CD24: variants seen among roughly 807,000 people sequenced by gnomAD.
CD24 encodes the protein signal transducer CD24.
CD24 carries 2 observed loss-of-function variants against 3.6 expected under a neutral mutation model. The ratio of observed to expected loss-of-function variants is 0.56; its 90% CI spans 0.23 to 1.77. The LOEUF (loss-of-function observed/expected upper bound fraction) is 1.77, where lower values mean the gene tolerates loss of function less well. Ranked by LOEUF, CD24 falls within the 40% of genes most tolerant of loss-of-function variation. CD24 has a pLI of 0.18. For missense variants in CD24, 62 were observed against 93.6 expected (o/e 0.66, Z 1.39); for synonymous variants, 33 against 44.9 (o/e 0.74, Z 1.06).
chr6:106,970,446 A>T lies in CD24; in HGVS notation c.*1215T>A, dbSNP rs1454548016. The T allele has an allele frequency of 6.6e-6, 1 of 152,630 alleles. No individual in the cohort carries two copies. Among genetic ancestry groups the T allele is most frequent in the Non-Finnish European group, 1.5e-5 (1 of 68,052 alleles). The allele number at this position is 152,630 out of a possible 1,614,324, so 9.5% of individuals were successfully genotyped here. A position where few individuals can be genotyped will look rare whatever the true frequency, so the allele number is the denominator to read the frequency against. ...ACATTTTTGCCTTCTTAATTTCAAGATTTGCAATTTTGCCTTCAAAACAGA... is the reference window on the plus strand; with the variant it reads ...ACATTTTTGCCTTCTTAATTTCAAGTTTTGCAATTTTGCCTTCAAAACAGA... On this transcript the variant is annotated 3_prime_UTR_variant, in exon 2 of 2. Transcript: ENST00000606017.
chr6:106,973,454 A>T (rs886508111), intron 1 of CD24: 1 of 388,860 alleles, frequency 2.6e-6, no homozygotes. Context: ...GGAAGACAAT[A>T]GGGTACGGTT....
chr6:106,975,590 CT>C (rs1360641783), upstream of CD24: 4 of 152,324 alleles, frequency 2.6e-5, no homozygotes, highest in Non-Finnish European at 5.9e-5. Context: ...TGGGGAGCCG[CT>C]CGCTGGGCGC....
At position 106,970,374 on chromosome 6, in the gene CD24, TC is replaced by T. The variant is rs1772940008; in HGVS notation, c.*1286del. ...TTTGTGAATTTAATGCAAATTAGCTTCCAGTCTTCACTTCCCAAATACTTGA... is the reference window on the plus strand; with the variant it reads ...TTTGTGAATTTAATGCAAATTAGCTTCAGTCTTCACTTCCCAAATACTTGA... On this transcript the variant is annotated 3_prime_UTR_variant, in exon 2 of 2. Transcript: ENST00000606017. 1.3e-5 allele frequency: 2 copies of T among 151,092 alleles called. No individual in the cohort carries two copies. The highest frequency in any genetic ancestry group is 4.9e-5 in the African/African-American group (2 of 40,822). The allele number at this position is 151,092 out of a possible 1,614,324, so 9.4% of individuals were successfully genotyped here.
At position 106,971,666 on chromosome 6, in the gene CD24, A is replaced by G; in HGVS notation, c.238T>C (p.Ser80Pro). 1 of 1,547,440 alleles carries G rather than the reference A, an allele frequency of 6.5e-7. No individual in the cohort carries two copies. The highest frequency in any genetic ancestry group is 2.4e-5 in the East Asian group (1 of 40,884). The change falls in exon 2 of 2, where the codon TCT (serine) becomes CCT (proline). Residue 80 changes from serine (S) to proline (P), a missense_variant. Physicochemically the swap from Ser to Pro is moderately conservative, Grantham distance 74. Coordinates refer to ENST00000606017, the MANE Select transcript of CD24 (RefSeq NM_001359084.1). The stretch of plus-strand genomic sequence containing the variant: ...CGTTTCTTGGCCTGAGTCTCTTAAG[A>G]GTAGAGATGCAGAAGAGAGAGTGAG... Reference protein sequence around the residue: ...VVSLSLLHLYS With the variant: ...VVSLSLLHLYP
At chr6:106,974,150 G>C (rs1773044335) in intron 1 of CD24, 1 of 386,882 alleles carries the variant, frequency 2.6e-6, no homozygotes, top group Non-Finnish European at 4.6e-6. Context: ...TGTAGAGCGC[G>C]GGGAGCGCGA....
intron 1 of CD24, chr6:106,973,951 G>T: frequency 2.5e-6 from 1 of 398,494 alleles, no homozygotes; most frequent in South Asian, 1.3e-4. Flanking sequence ...GACAAGCGAT[G>T]GACGTGAAAG....
chr6:106,971,475 A>T lies in CD24; in HGVS notation c.*186T>A. The T allele has an allele frequency of 1.7e-6, 1 of 575,088 alleles. No individual in the cohort carries two copies. Among genetic ancestry groups the T allele is most frequent in the South Asian group, 2.2e-5 (1 of 44,766 alleles). The allele number at this position is 575,088 out of a possible 1,614,324, so 35.6% of individuals were successfully genotyped here. On this transcript the variant is annotated 3_prime_UTR_variant, in exon 2 of 2. Transcript: ENST00000606017. ...ATATTGGCATCCATCATCTAGTCAAACCTCTCACATGTTCTTCAAATCAAT... is the reference window on the plus strand; with the variant it reads ...ATATTGGCATCCATCATCTAGTCAATCCTCTCACATGTTCTTCAAATCAAT...
upstream of CD24, among the ~76,000 whole-genome samples, chr6:106,976,163 A>G (rs947388841): frequency 1.3e-5 from 2 of 152,326 alleles, no homozygotes; most frequent in African/African-American, 4.8e-5. Flanking sequence ...ATGGTTGTAA[A>G]TTTGTTTAAA....
Position 106,974,688 on chromosome 6 carries a change from G to C in CD24, c.-42C>G. The C allele has an allele frequency of 6.7e-7, 1 of 1,484,834 alleles. No homozygotes were observed. The highest frequency in any genetic ancestry group is 1.5e-5 in the African/African-American group (1 of 68,668). The allele number at this position is 1,484,834 out of a possible 1,614,324, so 92.0% of individuals were successfully genotyped here. A position where few individuals can be genotyped will look rare whatever the true frequency, so the allele number is the denominator to read the frequency against. On this transcript the variant is annotated 5_prime_UTR_variant, in exon 1 of 2. Coordinates refer to ENST00000606017, the MANE Select transcript of CD24 (RefSeq NM_001359084.1). The stretch of plus-strand genomic sequence containing the variant: ...CGCGGCGCGTCTAGCAGGATGCTGG[G>C]TGCTTGGAGAACCGCTGGCTCCGGG...
At chr6:106,973,329 A>C in intron 1 of CD24, 3 of 247,990 alleles carry the variant, frequency 1.2e-5, no homozygotes, top group Non-Finnish European at 1.5e-5. Flanking sequence ...TGTTGGAGGA[A>C]AAAAATCTGG....
rs1383802248 is a variant in CD24, at chr6:106,970,705, G to A, written c.*956C>T. 2.6e-5 allele frequency: 4 copies of A among 152,146 alleles called. No homozygotes were observed. Among genetic ancestry groups the A allele is most frequent in the Admixed American group, 6.6e-5 (1 of 15,266 alleles). The allele number at this position is 152,146 out of a possible 1,614,324, so 9.4% of individuals were successfully genotyped here. A position where few individuals can be genotyped will look rare whatever the true frequency, so the allele number is the denominator to read the frequency against. ...CAGGTGCCTGTAATCCCAGCTACTT[G>A]GGAGGCTGAGGCAGGAGAATCGCTT... On this transcript the variant is annotated 3_prime_UTR_variant, in exon 2 of 2. Coordinates refer to ENST00000606017, the MANE Select transcript of CD24 (RefSeq NM_001359084.1).
upstream of CD24, chr6:106,975,490 CG>C (rs1392999559): frequency 6.6e-6 from 1 of 152,236 alleles, no homozygotes; most frequent in African/African-American, 2.4e-5. Context: ...GCGCCCTCCC[CG>C]AAGCCCTTGC....
intron 1 of CD24, chr6:106,973,942 A>G (rs1773037553): frequency 7.5e-6 from 3 of 398,378 alleles, no homozygotes. Context: ...TCCTAAGATG[A>G]CAAGCGATGG....
intron 1 of CD24, among the ~76,000 whole-genome samples, chr6:106,972,564 T>G (rs1051250860): frequency 6.6e-6 from 1 of 152,208 alleles, no homozygotes; most frequent in Non-Finnish European, 1.5e-5. Flanking sequence ...GCAGCCTCAC[T>G]GGTCGCCAAG....
In CD24 at chr6:106,970,995, A is replaced by T. The variant is rs1210863336; in HGVS notation, c.*666T>A. 6.6e-6 allele frequency: 1 copy of T among 152,268 alleles called. No homozygotes were observed. Among genetic ancestry groups the T allele is most frequent in the Non-Finnish European group, 1.5e-5 (1 of 68,096 alleles). 9.4% of individuals were successfully genotyped at this position (152,268 alleles called of 1,614,324 possible). A position where few individuals can be genotyped will look rare whatever the true frequency, so the allele number is the denominator to read the frequency against. Reference sequence around the variant, plus strand: ...TCAGGATGCTTGGATCTGGGGGTAGATTCTCATTCATCATTGCCCTGGCAC... The same window carrying T: ...TCAGGATGCTTGGATCTGGGGGTAGTTTCTCATTCATCATTGCCCTGGCAC... On this transcript the variant is annotated 3_prime_UTR_variant, in exon 2 of 2. Coordinates refer to ENST00000606017, the MANE Select transcript of CD24 (RefSeq NM_001359084.1).
At chr6:106,976,330 G>A (rs1006542143), upstream of CD24, among the ~76,000 whole-genome samples, 15 of 152,298 alleles carry the variant, frequency 9.8e-5, no homozygotes, top group African/African-American at 2.9e-4. Context: ...TCACTTTTGC[G>A]TGGCAGTCTC....
chr6:106,975,627 T>A (rs2114903426), upstream of CD24: 1 of 152,310 alleles, frequency 6.6e-6, no homozygotes, highest in African/African-American at 2.4e-5. Context: ...CGCTGCAAAC[T>A]ACAGGGTTTC....
In CD24 at chr6:106,971,743, G is replaced by A; in HGVS notation, c.161C>T (p.Thr54Ile). The A allele has an allele frequency of 6.4e-7, 1 of 1,551,018 alleles. No individual in the cohort carries two copies. The highest frequency in any genetic ancestry group is 8.7e-7 in the Non-Finnish European group (1 of 1,146,416). Reference sequence around the variant, plus strand: ...CAGGGCACCACCAGCCGCCTTGGTGGTGGCATTAGTTGGATTTGGGGCCAA... The same window carrying A: ...CAGGGCACCACCAGCCGCCTTGGTGATGGCATTAGTTGGATTTGGGGCCAA... Reference protein sequence around the residue: ...SGLAPNPTNATTKAAGGALQS... With the variant: ...SGLAPNPTNAITKAAGGALQS... Residue 54 changes from threonine to isoleucine, a missense_variant, in exon 2 of 2, where the codon ACC (threonine) becomes ATC (isoleucine). Physicochemically the swap from Thr to Ile is moderately conservative, Grantham distance 89. Coordinates refer to ENST00000606017, the MANE Select transcript of CD24 (RefSeq NM_001359084.1).
chr6:106,971,703 A>G lies in CD24; in HGVS notation c.201T>C (p.Ser67=). 1 of 1,547,190 alleles carries G rather than the reference A, an allele frequency of 6.5e-7. No individual in the cohort carries two copies. The highest frequency in any genetic ancestry group is 8.7e-7 in the Non-Finnish European group (1 of 1,143,260). Residue 67 remains serine (S), a synonymous_variant, in exon 2 of 2, where the codon AGT becomes AGC. Transcript: ENST00000606017. ...GAAGAGAGAGTGAGACCACGAAGAG[A>G]CTGGCTGTTGACTGCAGGGCACCAC... The part of the protein sequence containing the change: ...AAGGALQSTA[S]LFVVSLSLLH...
Sources: gnomAD v4.1 joint callset for allele counts (sites outside exome capture counted in the v4.1 genomes callset) on GRCh38, gnomAD v4.1.1 for gene constraint, MANE v1.5 for transcripts, NCBI Gene and HGNC (gene_info 2026-07-23, HGNC 2026-07-21) for gene names.